GOLGA1: variants seen among roughly 807,000 people sequenced by gnomAD.
GOLGA1 encodes the protein golgin subfamily A member 1.
GOLGA1 carries 63 observed loss-of-function variants against 119.7 expected under a neutral mutation model. The ratio of observed to expected loss-of-function variants is 0.53; its 90% CI spans 0.43 to 0.65. The LOEUF (loss-of-function observed/expected upper bound fraction) is 0.65. Ranked by LOEUF, GOLGA1 falls within the 30% of genes least tolerant of loss-of-function variation. GOLGA1 has a pLI of 0.00. For missense variants in GOLGA1, 798 were observed against 912.8 expected, an observed-to-expected ratio of 0.87 and a Z score of 1.62; for synonymous variants, 318 against 333.4, an observed-to-expected ratio of 0.95 and a Z score of 0.50.
chr9:124,922,514 G>T (rs868840485), intron 8 of GOLGA1, among the ~76,000 whole-genome samples: 6 of 142,986 alleles, frequency 4.2e-5, no homozygotes, highest in Non-Finnish European at 7.5e-5. Context: ...TCATGCCACT[G>T]CACTCCAGCT....
Position 124,908,378 on chromosome 9 carries a change from C to G in GOLGA1, c.1064G>C (p.Arg355Pro). 1.3e-6 allele frequency: 2 copies of G among 1,557,924 alleles called. No homozygotes were observed. The highest frequency in any genetic ancestry group is 1.8e-6 in the Non-Finnish European group (2 of 1,128,696). ...AAACACCAGGAGTAAGGTCAGTACCCGAGTCTCCAGGGTGTTAATGGCCTT... is the reference window on the plus strand; with the variant it reads ...AAACACCAGGAGTAAGGTCAGTACCGGAGTCTCCAGGGTGTTAATGGCCTT... ...QAKAINTLETRVRELEQTLQA... is the reference protein window; with the variant it reads ...QAKAINTLETPVRELEQTLQA... Residue 355 changes from arginine to proline, a missense_variant and splice_region_variant, in exon 12 of 23, where the codon CGG becomes CCG. Coordinates refer to ENST00000373555, the MANE Select transcript of GOLGA1 (RefSeq NM_002077.4).
rs1177121800 is a variant in GOLGA1 at position 124,940,958 on chromosome 9, C to T, written c.-206+13G>A. The T allele has an allele frequency of 6.6e-6, 1 of 152,428 alleles. No individual in the cohort carries two copies. The highest frequency in any genetic ancestry group is 1.5e-5 in the Non-Finnish European group (1 of 68,210). The allele number at this position is 152,428 out of a possible 1,614,324, so 9.4% of individuals were successfully genotyped here. On this transcript the variant is annotated intron_variant, in intron 1 of 22. Coordinates refer to ENST00000373555, the MANE Select transcript of GOLGA1 (RefSeq NM_002077.4). ...GGGGCCTGCTCGCATTCCCGGAGTC[C>T]TGGCCCGCGCACCTGCCTCTCTCTG...
chr9:124,928,523 T>C (rs527718416), intron 5 of GOLGA1, among the ~76,000 whole-genome samples: 1 of 152,260 alleles, frequency 6.6e-6, no homozygotes, highest in East Asian at 1.9e-4. Context: ...GACAAGTATA[T>C]ATATTTACAA....
Position 124,897,796 on chromosome 9 carries a change from A to C in GOLGA1, c.1407+753T>G, listed in dbSNP as rs534626891. Among the ~76,000 whole-genome samples, 5 of 152,308 alleles carry C rather than the reference A, an allele frequency of 3.3e-5. No individual in the cohort carries two copies. In the East Asian group the frequency reaches 9.6e-4, roughly 29 times the overall value. On this transcript the variant is annotated intron_variant, in intron 15 of 22. Coordinates refer to ENST00000373555, the MANE Select transcript of GOLGA1 (RefSeq NM_002077.4). ...CATTAGTACCTATGTCACTCATCAG[A>C]TCTGATTACTGGAAGCTTACTAGGT...
chr9:124,920,890 G>A (rs1308785429), intron 10 of GOLGA1, among the ~76,000 whole-genome samples: 6 of 150,232 alleles, frequency 4.0e-5, no homozygotes, highest in African/African-American at 1.5e-4. Flanking sequence ...TATTTGAGTC[G>A]ACCAAATGGT....
chr9:124,927,480 A>G lies in GOLGA1; in HGVS notation c.399+708T>C, dbSNP rs145917642. 8.5e-4 allele frequency among the ~76,000 whole-genome samples: 130 copies of G among 152,302 alleles called. 1 individual carries two copies. Among genetic ancestry groups the G allele is most frequent in the African/African-American group, 2.9e-3 (122 of 41,578 alleles). On this transcript the variant is annotated intron_variant, in intron 6 of 22. Coordinates refer to ENST00000373555, the MANE Select transcript of GOLGA1 (RefSeq NM_002077.4). ...ATGAACAGACACTTTAAAACCAACC[A>G]ACCAACCCACCTCCTCCAGATGAAA...
In GOLGA1 at chr9:124,908,357, A is replaced by C; in HGVS notation, c.1065+20T>G. The C allele has an allele frequency of 3.0e-6, 4 of 1,355,576 alleles. No homozygotes were observed. Among genetic ancestry groups the C allele is most frequent in the Non-Finnish European group, 4.2e-6 (4 of 944,114 alleles). 84.0% of individuals were successfully genotyped at this position (1,355,576 alleles called of 1,614,324 possible). On this transcript the variant is annotated intron_variant, in intron 12 of 22. Transcript: ENST00000373555. ...AGGTTACCACCCAAACTTAGGAAAC[A>C]CCAGGAGTAAGGTCAGTACCCGAGT...
At chr9:124,944,466 A>ATTTTTTTTTTTTTTTTTTTTTTTTTTT (rs71374207), upstream of GOLGA1, 1 of 84,726 alleles carries the variant, frequency 1.2e-5, no homozygotes, top group Non-Finnish European at 2.1e-5. Context: ...TGCCTGGCTA[A>ATTTTTTTTTTTTTTTTTTTTTTTTTTT]TTTTTTTTTT....
chr9:124,941,730 A>G (rs942485412), upstream of GOLGA1, among the ~76,000 whole-genome samples: 2 of 152,148 alleles, frequency 1.3e-5, no homozygotes, highest in Non-Finnish European at 2.9e-5. Flanking sequence ...GCAGCTCACT[A>G]TATTGGATTA....
At chr9:124,930,093 G>A (rs897343848) in intron 4 of GOLGA1, among the ~76,000 whole-genome samples, 3 of 152,120 alleles carry the variant, frequency 2.0e-5, no homozygotes, top group Non-Finnish European at 4.4e-5. Flanking sequence ...TATTGTTACT[G>A]TGACTATTAT....
chr9:124,908,371 C>A lies in GOLGA1; in HGVS notation c.1065+6G>T. ...ACTTAGGAAACACCAGGAGTAAGGT[C>A]AGTACCCGAGTCTCCAGGGTGTTAA... On this transcript the variant is annotated splice_donor_region_variant and intron_variant, in intron 12 of 22. Coordinates refer to ENST00000373555, the MANE Select transcript of GOLGA1 (RefSeq NM_002077.4). 6.6e-7 allele frequency: 1 copy of A among 1,506,396 alleles called. No individual in the cohort carries two copies. Among genetic ancestry groups the A allele is most frequent in the South Asian group, 1.1e-5 (1 of 88,912 alleles). The allele number at this position is 1,506,396 out of a possible 1,614,324, so 93.3% of individuals were successfully genotyped here. A position where few individuals can be genotyped will look rare whatever the true frequency, so the allele number is the denominator to read the frequency against.
intron 3 of GOLGA1, among the ~76,000 whole-genome samples, chr9:124,932,783 GTCTAGTGAAGACCCACT>G (rs929800319): frequency 2.6e-5 from 4 of 152,172 alleles, no homozygotes; most frequent in Non-Finnish European, 5.9e-5. Flanking sequence ...CAGATTTGGT[GTCTAGTGAAGACCCACT>G]TTCTGGTTCA....
rs145869530 is a variant in GOLGA1 at position 124,937,331 on chromosome 9, A to G, written c.135+1246T>C. Among the ~76,000 whole-genome samples, 1,216 of 152,240 alleles carry G rather than the reference A, an allele frequency of 8.0e-3. 23 individuals carry two copies. Among genetic ancestry groups the G allele is most frequent in the African/African-American group, 0.027 (1,140 of 41,548 alleles). On this transcript the variant is annotated intron_variant, in intron 3 of 22. Coordinates refer to ENST00000373555, the MANE Select transcript of GOLGA1 (RefSeq NM_002077.4). ...GCTGGACGTGGTGGCGGGTGCCTGT[A>G]GTCCCAAGCTACTCAGGAGGCTGAG...
At chr9:124,918,941 A>G (rs777996762) in intron 10 of GOLGA1, among the ~76,000 whole-genome samples, 2 of 151,856 alleles carry the variant, frequency 1.3e-5, no homozygotes, top group East Asian at 1.9e-4. Flanking sequence ...CCCCTATGGT[A>G]TATCTTTTGT....
chr9:124,911,800 T>C, intron 11 of GOLGA1, 101 bp downstream of exon 11: 2 of 998,050 alleles, frequency 2.0e-6, no homozygotes, highest in South Asian at 1.5e-5. Flanking sequence ...GTTACCATGC[T>C]GTTTGCTGGC....
chr9:124,935,995 A>G (rs545016757), intron 3 of GOLGA1, among the ~76,000 whole-genome samples: 2 of 152,306 alleles, frequency 1.3e-5, no homozygotes, highest in East Asian at 3.9e-4. Flanking sequence ...GCAGTTGGAT[A>G]TAAGGGTCTG....
intron 10 of GOLGA1, among the ~76,000 whole-genome samples, chr9:124,919,231 G>C (rs1236652224): frequency 6.6e-6 from 1 of 151,872 alleles, no homozygotes; most frequent in African/African-American, 2.4e-5. Flanking sequence ...CTCCAGCCTG[G>C]GTGAAAGAGC....
At chr9:124,889,687 A>G (rs949224294) in intron 16 of GOLGA1, 151 bp from the exon 17 acceptor site, 7 of 676,680 alleles carry the variant, frequency 1.0e-5, no homozygotes, top group Middle Eastern at 4.0e-4. Context: ...CTCTGCTCCT[A>G]TGAACATGCA....
chr9:124,920,845 C>G (rs1051962740), intron 10 of GOLGA1, among the ~76,000 whole-genome samples: 7 of 77,240 alleles, frequency 9.1e-5, no homozygotes, highest in Non-Finnish European at 2.1e-4. Context: ...GACTCTGTCC[C>G]AAAAAAAAAG....
Sources: allele counts gnomAD v4.1 joint callset (sites outside exome capture counted in the v4.1 genomes callset), GRCh38; gene constraint gnomAD v4.1.1; transcripts MANE v1.5; gene names NCBI Gene and HGNC (gene_info 2026-07-23, HGNC 2026-07-21).